LEMD1: variants seen among roughly 807,000 people sequenced by gnomAD.
LEMD1 encodes the protein LEM domain containing 1, also known as LEM domain-containing protein 1.
A neutral mutation model predicts 17.4 loss-of-function variants in LEMD1; 18 were observed. The observed-to-expected ratio is 1.04, with a 90% CI of 0.72 to 1.54. The LOEUF is 1.54. Among genes scored for constraint, LEMD1 ranks in the 40% most tolerant of loss-of-function variants. LEMD1 has a pLI of 0.00. For missense variants in LEMD1, 195 were observed against 210.4 expected (o/e 0.93, Z 0.45); for synonymous variants, 88 against 77.8 (o/e 1.13, Z -0.69).
rs1325882737 is a variant in LEMD1 at position 205,401,223 on chromosome 1, G to T, written c.270+15009C>A. On this transcript the variant is annotated intron_variant, in intron 4 of 5. Coordinates refer to ENST00000367153, the MANE Select transcript of LEMD1 (RefSeq NM_001199050.2). ...TTGGGTATATACCCAGTAATGGGAT[G>T]GCTGGGTCAAATGGTATTTCTAGTC... Among the ~76,000 whole-genome samples, 16 of 152,208 alleles carry T rather than the reference G, an allele frequency of 1.1e-4. No homozygotes were observed. In the East Asian group the frequency reaches 1.9e-3, roughly 18 times the overall value.
At chr1:205,439,994 G>T (rs1397394213) in intron 1 of LEMD1, among the ~76,000 whole-genome samples, 1 of 152,082 alleles carries the variant, frequency 6.6e-6, no homozygotes, top group Non-Finnish European at 1.5e-5. Flanking sequence ...GTCGAGGAAG[G>T]TCCTAGAGGT....
chr1:205,434,642 T>C (rs1488933681), intron 1 of LEMD1, among the ~76,000 whole-genome samples: 1 of 152,152 alleles, frequency 6.6e-6, no homozygotes, highest in Non-Finnish European at 1.5e-5. Context: ...AGTTTAGAGA[T>C]AGCACAACGG....
At chr1:205,424,077 A>ACTTACATT (rs1666026377), upstream of LEMD1, among the ~76,000 whole-genome samples, 1 of 152,224 alleles carries the variant, frequency 6.6e-6, no homozygotes, top group South Asian at 2.1e-4. Context: ...CATTCTTTGG[A>ACTTACATT]AGAATGCACA....
chr1:205,396,232 CTTGAACTCCTTAT>C (rs1202201667), intron 4 of LEMD1, among the ~76,000 whole-genome samples: 2 of 152,238 alleles, frequency 1.3e-5, no homozygotes, highest in East Asian at 1.9e-4. Context: ...CCAGGCTGGT[CTTGAACTCCTTAT>C]TTGAACTCCT....
In LEMD1 at chr1:205,448,987, C is replaced by A. The variant is rs1443110690; in HGVS notation, c.-39+881G>T. Among the ~76,000 whole-genome samples the A allele has an allele frequency of 2.6e-5, 4 of 152,040 alleles. No homozygotes were observed. The highest frequency in any genetic ancestry group is 4.4e-5 in the Non-Finnish European group (3 of 68,000). ...TACCCAGACCAGTCTGGGTGGTTAC[C>A]GACAACACCCATTCTTGCATAGTTT... is the stretch of plus-strand genomic sequence containing the variant. On this transcript the variant is annotated intron_variant, in intron 1 of 3. Coordinates refer to the LEMD1 transcript ENST00000367154. The surrounding 1 kb of genome is among the most constrained non-coding windows in gnomAD (Gnocchi z 4.7).
upstream of LEMD1, among the ~76,000 whole-genome samples, chr1:205,425,448 T>A (rs909516317): frequency 2.0e-5 from 3 of 152,070 alleles, no homozygotes; most frequent in African/African-American, 7.2e-5. Flanking sequence ...CAACACCACA[T>A]TAAAATTCAC....
At chr1:205,399,172 A>C (rs531852058) in intron 4 of LEMD1, among the ~76,000 whole-genome samples, 65 of 151,730 alleles carry the variant, frequency 4.3e-4, no homozygotes, top group African/African-American at 1.5e-3. Context: ...CTGAGATCAC[A>C]CCACTGCACT....
intron 4 of LEMD1, among the ~76,000 whole-genome samples, chr1:205,395,147 C>T (rs1486249411): frequency 2.0e-5 from 3 of 151,934 alleles, no homozygotes; most frequent in African/African-American, 7.3e-5. Context: ...AACATGATGT[C>T]TGCAGTTGGA....
chr1:205,445,034 AC>A (rs1357565188), intron 1 of LEMD1, among the ~76,000 whole-genome samples: 1 of 151,844 alleles, frequency 6.6e-6, no homozygotes, highest in Non-Finnish European at 1.5e-5. Context: ...ATATGAATTC[AC>A]CTTCCCTCCC....
chr1:205,421,099 G>C (rs1665941323), intron 1 of LEMD1, among the ~76,000 whole-genome samples: 1 of 152,066 alleles, frequency 6.6e-6, no homozygotes, highest in African/African-American at 2.4e-5. Context: ...CAAGATGGTA[G>C]TTTTTAATTA....
intron 4 of LEMD1, among the ~76,000 whole-genome samples, chr1:205,403,145 T>C (rs1664929283): frequency 6.6e-6 from 1 of 152,186 alleles, no homozygotes; most frequent in African/African-American, 2.4e-5. Flanking sequence ...TCATCAAGGA[T>C]ATTGGTCTAA....
upstream of LEMD1, among the ~76,000 whole-genome samples, chr1:205,424,865 G>A (rs1056776949): frequency 3.3e-5 from 5 of 152,334 alleles, no homozygotes; most frequent in Admixed American, 1.3e-4. Flanking sequence ...ATTACACCTA[G>A]TTTGATATCG....
At chr1:205,415,044 G>A (rs79653756) in intron 4 of LEMD1, among the ~76,000 whole-genome samples, 180 of 152,230 alleles carry the variant, frequency 1.2e-3, no homozygotes, top group African/African-American at 4.0e-3. Context: ...TAACTCCAAG[G>A]CTTTGAGCCT....
intron 4 of LEMD1, among the ~76,000 whole-genome samples, chr1:205,389,892 A>G (rs988186714): frequency 3.9e-5 from 6 of 152,198 alleles, no homozygotes; most frequent in African/African-American, 1.4e-4. Context: ...CTTTTACTTC[A>G]TTGTTTTTGC....
intron 4 of LEMD1, among the ~76,000 whole-genome samples, chr1:205,395,542 C>G (rs182909709): frequency 1.4e-5 from 2 of 148,020 alleles, no homozygotes; most frequent in African/African-American, 5.0e-5. Context: ...TGCGGTGAGC[C>G]AAGATCATGC....
intron 4 of LEMD1, among the ~76,000 whole-genome samples, chr1:205,395,498 C>T (rs760184460): frequency 6.6e-6 from 1 of 151,094 alleles, no homozygotes; most frequent in Admixed American, 6.6e-5. Flanking sequence ...GGAGGCTGAG[C>T]CAGGAGAATT....
At chr1:205,404,955 T>G (rs1176313023) in intron 4 of LEMD1, among the ~76,000 whole-genome samples, 1 of 152,176 alleles carries the variant, frequency 6.6e-6, no homozygotes, top group African/African-American at 2.4e-5. Context: ...TCTCCTTCAC[T>G]TATGAAACTT....
intron 1 of LEMD1, chr1:205,434,799 G>C (rs1666179240): frequency 6.6e-6 from 1 of 152,198 alleles, no homozygotes; most frequent in South Asian, 2.1e-4. Context: ...CAAATGTTTA[G>C]CTTCTGCTGC....
intron 4 of LEMD1, among the ~76,000 whole-genome samples, chr1:205,405,571 C>T (rs1284546749): frequency 6.8e-6 from 1 of 147,060 alleles, no homozygotes; most frequent in Non-Finnish European, 1.5e-5. Context: ...TTAAGCACTT[C>T]TCTGTATTGG....
Sources: allele counts gnomAD v4.1 joint callset (sites outside exome capture counted in the v4.1 genomes callset), GRCh38; gene constraint gnomAD v4.1.1; non-coding constraint Gnocchi (gnomAD v3.1); transcripts MANE v1.5; gene names NCBI Gene and HGNC (gene_info 2026-07-23, HGNC 2026-07-21).